The following RASA1 variants were observed in gnomAD, a reference collection of about 807,000 sequenced individuals.
RASA1 encodes ras GTPase-activating protein 1.
RASA1 carries 25 observed loss-of-function variants against 132.2 expected under a neutral mutation model. The observed-to-expected ratio is 0.19, with a 90% CI of 0.14 to 0.26. RASA1 has a LOEUF of 0.26. Among genes scored for constraint, RASA1 ranks in the 10% least tolerant of loss-of-function variants. The pLI is 1.00. For synonymous variants in RASA1, 477 were observed against 449.9 expected, an observed-to-expected ratio of 1.06 and a Z score of -0.76; for missense variants, 964 against 1,299.2, an observed-to-expected ratio of 0.74 and a Z score of 3.97.
At chr5:87,363,593 A>AGG in intron 11 of RASA1, 89 bp downstream of exon 11, 3 of 1,436,478 alleles carry the variant, frequency 2.1e-6, no homozygotes, top group Non-Finnish European at 2.9e-6. Context: ...GAGCCCTAAA[A>AGG]TCATCTTCTA....
intron 8 of RASA1, among the ~76,000 whole-genome samples, chr5:87,351,484 T>G (rs865928718): frequency 6.6e-6 from 1 of 151,594 alleles, no homozygotes; most frequent in African/African-American, 2.4e-5. Context: ...TATCTAGACT[T>G]GAAGAAGAAG....
chr5:87,354,256 TG>T (rs1759489302), intron 9 of RASA1, among the ~76,000 whole-genome samples: 1 of 152,174 alleles, frequency 6.6e-6, no homozygotes. Context: ...TGCCTTATTA[TG>T]TTTCAAAGAT....
At chr5:87,355,022 T>G (rs1334450954) in intron 9 of RASA1, among the ~76,000 whole-genome samples, 1 of 152,124 alleles carries the variant, frequency 6.6e-6, no homozygotes, top group Non-Finnish European at 1.5e-5. Flanking sequence ...CAGAGATTGA[T>G]TCATAAGATT....
chr5:87,368,708 A>AT (rs1760710307), intron 11 of RASA1, among the ~76,000 whole-genome samples: 1 of 152,096 alleles, frequency 6.6e-6, no homozygotes, highest in Non-Finnish European at 1.5e-5. Flanking sequence ...TTTGTAGTTA[A>AT]TTTTTTAGCC....
chr5:87,284,271 A>G (rs948922901), intron 1 of RASA1, among the ~76,000 whole-genome samples: 1 of 152,140 alleles, frequency 6.6e-6, no homozygotes, highest in Non-Finnish European at 1.5e-5. Flanking sequence ...TATTTATTGA[A>G]CAGCCACGGT....
At chr5:87,375,329 CG>C (rs2112488124) in intron 15 of RASA1, among the ~76,000 whole-genome samples, 1 of 150,634 alleles carries the variant, frequency 6.6e-6, no homozygotes, top group Non-Finnish European at 1.5e-5. Flanking sequence ...GGTGTGATCT[CG>C]GCTCACTGCA....
At chr5:87,383,102 CAAAG>C (rs892691685) in intron 20 of RASA1, among the ~76,000 whole-genome samples, 10 of 151,476 alleles carry the variant, frequency 6.6e-5, no homozygotes, top group Non-Finnish European at 1.5e-4. Context: ...TCAAAGAAAA[CAAAG>C]AAAAAAGGAA....
chr5:87,290,897 G>A (rs1001994433), intron 1 of RASA1, among the ~76,000 whole-genome samples: 12 of 152,144 alleles, frequency 7.9e-5, no homozygotes, highest in Non-Finnish European at 1.3e-4. Flanking sequence ...TGGCAATTAT[G>A]AATAAAGGTG....
intron 4 of RASA1, among the ~76,000 whole-genome samples, chr5:87,337,278 A>C (rs1758043168): frequency 6.6e-6 from 1 of 152,036 alleles, no homozygotes; most frequent in Non-Finnish European, 1.5e-5. Context: ...GTTTCAGTAA[A>C]AGGAAACTAA....
rs112441173 is a variant in RASA1 at position 87,339,411 on chromosome 5, G to A, written c.1017+1320G>A. 6.7e-3 allele frequency among the ~76,000 whole-genome samples: 1,019 copies of A among 152,184 alleles called. 11 individuals are homozygous for A. Among genetic ancestry groups the A allele is most frequent in the African/African-American group, 0.023 (964 of 41,546 alleles). The stretch of plus-strand genomic sequence containing the variant: ...TACTCCATATAGGCAAACAGTATTC[G>A]TACTGAAGCATCTTACTATGATAGT... On this transcript the variant is annotated intron_variant, in intron 5 of 24. Coordinates refer to ENST00000274376, the MANE Select transcript of RASA1 (RefSeq NM_002890.3).
At position 87,379,993 on chromosome 5, in the gene RASA1, G is replaced by A. The variant is rs1580394454; in HGVS notation, c.2603+143G>A. Reference sequence around the variant, plus strand: ...ATGGTTAATCTTTATGAGATGAATTGTATTTAAAGAAAATAGCTGTCTTAA... The same window carrying A: ...ATGGTTAATCTTTATGAGATGAATTATATTTAAAGAAAATAGCTGTCTTAA... On this transcript the variant is annotated intron_variant, in intron 19 of 24. Transcript: ENST00000274376. 1.0e-5 allele frequency: 9 copies of A among 901,128 alleles called. No homozygotes were observed. The East Asian group carries it at 2.4e-4, about 25-fold the overall frequency. 55.8% of individuals were successfully genotyped at this position (901,128 alleles called of 1,614,324 possible).
intron 24 of RASA1, 40 bp downstream of exon 24, chr5:87,389,567 A>AGAT (rs1561333718): frequency 1.2e-6 from 2 of 1,607,466 alleles, no homozygotes; most frequent in Non-Finnish European, 1.7e-6. Context: ...GATGTTTCAA[A>AGAT]GATAACACTT....
Position 87,389,269 on chromosome 5 carries a change from T to A in RASA1, c.2926-124T>A, listed in dbSNP as rs184335132. The A allele has an allele frequency of 1.6e-3, 1,979 of 1,259,116 alleles. 31 individuals carry two copies. In the African/African-American group the frequency reaches 0.026, roughly 17 times the overall value. 78.0% of individuals were successfully genotyped at this position (1,259,116 alleles called of 1,614,324 possible). ...TCGCTTGAACCCGGGAGGCGGAGGTTGCAGTGAGCCGAGATCATGCCATTG... is the reference window on the plus strand; with the variant it reads ...TCGCTTGAACCCGGGAGGCGGAGGTAGCAGTGAGCCGAGATCATGCCATTG... On this transcript the variant is annotated intron_variant, in intron 23 of 24. Coordinates refer to ENST00000274376, the MANE Select transcript of RASA1 (RefSeq NM_002890.3).
intron 13 of RASA1, 88 bp from the exon 14 acceptor site, chr5:87,374,075 C>G: frequency 8.7e-7 from 1 of 1,147,196 alleles, no homozygotes; most frequent in Non-Finnish European, 1.1e-6. Context: ...TTATTTTTGG[C>G]TTTGTATCTT....
chr5:87,343,062 G>C (rs1758594909), intron 6 of RASA1, among the ~76,000 whole-genome samples: 1 of 151,988 alleles, frequency 6.6e-6, no homozygotes, highest in Non-Finnish European at 1.5e-5. Context: ...TATTTTATGT[G>C]TATGTTTGTT....
chr5:87,333,358 A>G, intron 4 of RASA1, 21 bp downstream of exon 4: 1 of 1,609,000 alleles, frequency 6.2e-7, no homozygotes, highest in African/African-American at 1.3e-5. Flanking sequence ...ATCTATTCTC[A>G]TGTATAGGCA....
chr5:87,329,281 C>CAAAAAAAAAAAAAAAAAAAAA (rs571157213), intron 1 of RASA1, among the ~76,000 whole-genome samples: 7 of 119,174 alleles, frequency 5.9e-5, no homozygotes, highest in African/African-American at 2.1e-4. Context: ...TCTGTCTCTC[C>CAAAAAAAAAAAAAAAAAAAAA]AAAAAAAAAA....
chr5:87,371,044 AT>A (rs1760900878), intron 12 of RASA1, among the ~76,000 whole-genome samples: 1 of 152,124 alleles, frequency 6.6e-6, no homozygotes, highest in Non-Finnish European at 1.5e-5. Context: ...ATTTTTTTAA[AT>A]GTTAGAAATT....
At chr5:87,306,698 AAG>A (rs1319024775) in intron 1 of RASA1, among the ~76,000 whole-genome samples, 3 of 151,844 alleles carry the variant, frequency 2.0e-5, no homozygotes, top group African/African-American at 4.8e-5. Flanking sequence ...TTAAGAAAAA[AAG>A]AAAAATCTTG....
Sources: gnomAD v4.1 joint callset for allele counts (sites outside exome capture counted in the v4.1 genomes callset) on GRCh38, gnomAD v4.1.1 for gene constraint, MANE v1.5 for transcripts, NCBI Gene and HGNC (gene_info 2026-07-23, HGNC 2026-07-21) for gene names.